CPT2: variants seen among roughly 807,000 people sequenced by gnomAD.
CPT2 encodes the protein carnitine palmitoyltransferase 2.
CPT2 carries 37 observed loss-of-function variants against 48.6 expected under a neutral mutation model. That is an observed-to-expected ratio of 0.76 (90% CI 0.59 to 1.00). The LOEUF is 1.00. Ranked by LOEUF, CPT2 falls within the 50% of genes least tolerant of loss-of-function variation. The pLI is 0.00. For missense variants in CPT2, 772 were observed against 825.6 expected, an observed-to-expected ratio of 0.94 and a Z score of 0.80; for synonymous variants, 319 against 326.9, an observed-to-expected ratio of 0.98 and a Z score of 0.26.
intron 3 of CPT2, among the ~76,000 whole-genome samples, chr1:53,204,807 A>G (rs895028841): frequency 6.6e-6 from 1 of 152,196 alleles, no homozygotes; most frequent in African/African-American, 2.4e-5. Flanking sequence ...AGTGTTCAGC[A>G]GTTCCCCCAC....
At chr1:53,209,819 A>C in intron 3 of CPT2, 196 bp from the exon 4 acceptor site, 1 of 612,236 alleles carries the variant, frequency 1.6e-6, no homozygotes, top group Non-Finnish European at 2.9e-6. Context: ...ATAGAAGCTA[A>C]ATGCAAAACA....
chr1:53,205,425 TCA>T (rs1430480041), intron 3 of CPT2, among the ~76,000 whole-genome samples: 2 of 152,202 alleles, frequency 1.3e-5, no homozygotes, highest in African/African-American at 4.8e-5. Context: ...TCATATGCAT[TCA>T]CAGAGAGATG....
At chr1:53,211,485 C>G in intron 4 of CPT2, 166 bp downstream of exon 4, 1 of 647,158 alleles carries the variant, frequency 1.5e-6, no homozygotes, top group Admixed American at 2.5e-5. Context: ...AACAGCCACA[C>G]TAGCCACTAG....
rs2100273738 is a variant in CPT2 at position 53,210,848 on chromosome 1, A to G, written c.1174A>G (p.Thr392Ala). The G allele has an allele frequency of 6.2e-7, 1 of 1,613,998 alleles. No homozygotes were observed. Among genetic ancestry groups the G allele is most frequent in the Non-Finnish European group, 8.5e-7 (1 of 1,179,980 alleles). The change falls in exon 4 of 5, where the codon ACT becomes GCT. Residue 392 changes from threonine to alanine, a missense_variant. By Grantham distance (58) the Thr-to-Ala change is moderately conservative. Coordinates refer to ENST00000371486, the MANE Select transcript of CPT2 (RefSeq NM_000098.3). ...RFFNEVFKDS[T>A]QTPAVTPQSQ... ...TTTTAATGAAGTATTTAAAGACAGC[A>G]CTCAGACCCCTGCCGTCACTCCACA...
At chr1:53,206,977 C>T (rs1280714321) in intron 3 of CPT2, among the ~76,000 whole-genome samples, 1 of 152,140 alleles carries the variant, frequency 6.6e-6, no homozygotes, top group Non-Finnish European at 1.5e-5. Context: ...GTAATAATCC[C>T]CAAGTGTCAA....
At chr1:53,207,828 T>G (rs565576543) in intron 3 of CPT2, 1 of 152,232 alleles carries the variant, frequency 6.6e-6, no homozygotes, top group East Asian at 1.9e-4. Context: ...AATCTCAGGT[T>G]GTGGTAGTGG....
In CPT2 at chr1:53,211,249, T is replaced by C; in HGVS notation, c.1575T>C (p.Ala525=). ...TCAGGGAGCCCTCCAGGCACAGTGC[T>C]GGTGAGCTTCAGCAGATGATGGTTG... ...AFVREPSRHS[A]GELQQMMVEC... is the part of the protein sequence containing the mutation. The change falls in exon 4 of 5, where the codon GCT becomes GCC. Residue 525 remains alanine (A), a synonymous_variant. Coordinates refer to ENST00000371486, the MANE Select transcript of CPT2 (RefSeq NM_000098.3). 6.2e-7 allele frequency: 1 copy of C among 1,612,624 alleles called. No homozygotes were observed. Among genetic ancestry groups the C allele is most frequent in the Non-Finnish European group, 8.5e-7 (1 of 1,179,306 alleles).
At chr1:53,205,659 C>G (rs1290520239) in intron 3 of CPT2, among the ~76,000 whole-genome samples, 2 of 152,216 alleles carry the variant, frequency 1.3e-5, no homozygotes, top group African/African-American at 2.4e-5. Flanking sequence ...GTAGCCCCTC[C>G]CAGCATAGGC....
chr1:53,197,204 C>G lies in CPT2; in HGVS notation c.152+109C>G, dbSNP rs1645329318. 6 of 1,359,200 alleles carry G rather than the reference C, an allele frequency of 4.4e-6. No individual in the cohort carries two copies. The South Asian group carries it at 7.5e-5, about 17-fold the overall frequency. 84.2% of individuals were successfully genotyped at this position (1,359,200 alleles called of 1,614,324 possible). On this transcript the variant is annotated intron_variant, in intron 1 of 4. Transcript: ENST00000371486. ...AGTGAACCCGTTTCCGCCCCCAAGC[C>G]CCTACCATGGAGGCTGCCACAGCCC... is the stretch of plus-strand genomic sequence containing the variant.
Position 53,213,996 on chromosome 1 carries a change from G to C in CPT2, c.*401G>C, listed in dbSNP as rs537582868. ...TGCTATTCTGTGAAACTAATCATAAGCTGCCTAGGCAGCCAGCTACAGGCT... is the reference window on the plus strand; with the variant it reads ...TGCTATTCTGTGAAACTAATCATAACCTGCCTAGGCAGCCAGCTACAGGCT... On this transcript the variant is annotated 3_prime_UTR_variant, in exon 5 of 5. Coordinates refer to ENST00000371486, the MANE Select transcript of CPT2 (RefSeq NM_000098.3). The C allele has an allele frequency of 9.2e-6, 2 of 216,710 alleles. No individual in the cohort carries two copies. The highest frequency in any genetic ancestry group is 1.4e-4 in the South Asian group (2 of 14,404). 13.4% of individuals were successfully genotyped at this position (216,710 alleles called of 1,614,324 possible). A position where few individuals can be genotyped will look rare whatever the true frequency, so the allele number is the denominator to read the frequency against.
intron 3 of CPT2, chr1:53,204,297 T>C: frequency 6.6e-6 from 1 of 152,106 alleles, no homozygotes. Flanking sequence ...TCTTACTCTT[T>C]TTGTTACATT....
At chr1:53,197,560 C>A in intron 1 of CPT2, 1 of 260,526 alleles carries the variant, frequency 3.8e-6, no homozygotes. Flanking sequence ...TCTCCCAGCA[C>A]CGCCTTCACC....
rs1174988076 is a variant in CPT2, at chr1:53,210,818, A to C, written c.1144A>C (p.Arg382=). The stretch of plus-strand genomic sequence containing the variant: ...TTGGGGTGATGGTGTGGCAGTGCTC[A>C]GATTTTTTAATGAAGTATTTAAAGA... ...HSWGDGVAVL[R]FFNEVFKDST... Residue 382 remains arginine (R), a synonymous_variant, in exon 4 of 5, where the codon AGA becomes CGA. Transcript: ENST00000371486. 6.2e-7 allele frequency: 1 copy of C among 1,614,214 alleles called. No homozygotes were observed. Among genetic ancestry groups the C allele is most frequent in the Admixed American group, 1.7e-5 (1 of 60,026 alleles).
intron 4 of CPT2, chr1:53,212,671 G>T: frequency 2.5e-6 from 1 of 399,752 alleles, no homozygotes; most frequent in South Asian, 1.3e-4. Flanking sequence ...TAAAATTCAA[G>T]ACCTGGAAAG....
intron 4 of CPT2, among the ~76,000 whole-genome samples, chr1:53,211,929 G>A (rs1032808599): frequency 2.7e-5 from 4 of 149,512 alleles, no homozygotes; most frequent in African/African-American, 7.4e-5. Flanking sequence ...GTCTCATTCT[G>A]TCACCCAGGC....
rs764076288 is a variant in CPT2 at position 53,210,577 on chromosome 1, G to A, written c.903G>A (p.Glu301=). 2.5e-6 allele frequency: 4 copies of A among 1,614,156 alleles called. No homozygotes were observed. Among genetic ancestry groups the A allele is most frequent in the Non-Finnish European group, 3.4e-6 (4 of 1,180,042 alleles). Residue 301 remains glutamate, a synonymous_variant, in exon 4 of 5, where the codon GAG becomes GAA. Transcript: ENST00000371486. Reference sequence around the variant, plus strand: ...GTGAGAACCGAGACATCTGGGCAGAGCTCAGGCAGAAGCTGATGAGTAGTG... The same window carrying A: ...GTGAGAACCGAGACATCTGGGCAGAACTCAGGCAGAAGCTGATGAGTAGTG... ...LTSENRDIWA[E]LRQKLMSSGN... is the part of the protein sequence containing the mutation.
Position 53,210,122 on chromosome 1 carries a change from A to G in CPT2, c.448A>G (p.Thr150Ala), listed in dbSNP as rs141505320. The change falls in exon 4 of 5, where the codon ACC (threonine) becomes GCC (alanine). Residue 150 changes from threonine (T) to alanine (A), a missense_variant. By Grantham distance (58) the Thr-to-Ala change is moderately conservative. Coordinates refer to ENST00000371486, the MANE Select transcript of CPT2 (RefSeq NM_000098.3). The part of the protein sequence containing the change: ...DPKSEYNDQL[T>A]RATNMTVSAI... Reference sequence around the variant, plus strand: ...AAAATCTGAGTATAATGACCAGCTCACCCGGGCAACCAACATGACTGTTTC... The same window carrying G: ...AAAATCTGAGTATAATGACCAGCTCGCCCGGGCAACCAACATGACTGTTTC... 696 of 1,613,944 alleles carry G rather than the reference A, an allele frequency of 4.3e-4. 2 individuals are homozygous for G. The highest frequency in any genetic ancestry group is 5.7e-4 in the Non-Finnish European group (671 of 1,179,998).
intron 4 of CPT2, among the ~76,000 whole-genome samples, chr1:53,211,901 T>G (rs1476196026): frequency 1.3e-5 from 2 of 151,436 alleles, no homozygotes; most frequent in Non-Finnish European, 2.9e-5. Flanking sequence ...ACCTGGCCTT[T>G]TTTTTTTTGG....
intron 2 of CPT2, 35 bp downstream of exon 2, chr1:53,200,834 G>A: frequency 1.9e-6 from 3 of 1,547,796 alleles, no homozygotes; most frequent in Non-Finnish European, 2.7e-6. Context: ...GCATAGTTGG[G>A]GTGGTTCAAG....
Sources: allele counts gnomAD v4.1 joint callset (sites outside exome capture counted in the v4.1 genomes callset), GRCh38; gene constraint gnomAD v4.1.1; transcripts MANE v1.5; gene names NCBI Gene and HGNC (gene_info 2026-07-23, HGNC 2026-07-21).